Variants in CYRIA observed in about 807,000 individuals in gnomAD.
The protein encoded by CYRIA is CYFIP-related Rac1 interactor A.
A neutral mutation model predicts 43.9 loss-of-function variants in CYRIA; 15 were observed. That is an observed-to-expected ratio of 0.34 (90% CI 0.23 to 0.53). The LOEUF (loss-of-function observed/expected upper bound fraction) is 0.53, where lower values mean the gene tolerates loss of function less well. CYRIA is among the 20% of genes least tolerant of loss of function. The pLI, the probability that CYRIA is intolerant of heterozygous loss-of-function variation, is 0.94. For synonymous variants in CYRIA, 117 were observed against 136.0 expected, an observed-to-expected ratio of 0.86 and a Z score of 0.97; for missense variants, 236 against 394.2, an observed-to-expected ratio of 0.60 and a Z score of 3.40.
intron 1 of CYRIA, among the ~76,000 whole-genome samples, chr2:16,630,111 A>C (rs1257545994): frequency 2.6e-5 from 4 of 152,224 alleles, no homozygotes; most frequent in African/African-American, 9.6e-5. Context: ...GGCATGGTCT[A>C]GACATCACCT....
At position 16,588,100 on chromosome 2, in the gene CYRIA, A is replaced by G. The variant is rs1667798185; in HGVS notation, c.20T>C (p.Val7Ala). 6.2e-7 allele frequency: 1 copy of G among 1,607,840 alleles called. No individual in the cohort carries two copies. MGNLLK[V>A]LTREIENYPH... ...ATAGTTTTCAATTTCCCTGGTAAGG[A>G]CTTTGAGCAGGTTTCCCATCCCAGC... The change falls in exon 3 of 12, where the codon GTC becomes GCC. Residue 7 changes from valine (V) to alanine (A), a missense_variant. Physicochemically the swap from Val to Ala is moderately conservative, Grantham distance 64. Transcript: ENST00000381323.
chr2:16,588,719 G>A (rs1306522398), intron 2 of CYRIA, among the ~76,000 whole-genome samples: 1 of 152,056 alleles, frequency 6.6e-6, no homozygotes, highest in Non-Finnish European at 1.5e-5. Flanking sequence ...ACACTGCCAG[G>A]AACTCCTCTT....
At chr2:16,658,955 G>A (rs772967064) in intron 1 of CYRIA, among the ~76,000 whole-genome samples, 6 of 152,154 alleles carry the variant, frequency 3.9e-5, no homozygotes, top group African/African-American at 9.7e-5. Flanking sequence ...AACTGGGAGC[G>A]ATCCACAGCT....
At chr2:16,588,014 A>T in intron 3 of CYRIA, 36 bp downstream of exon 3, 1 of 1,355,352 alleles carries the variant, frequency 7.4e-7, no homozygotes, top group Non-Finnish European at 1.0e-6. Context: ...TAAGGAATGT[A>T]AAAAAGTTTC....
intron 2 of CYRIA, among the ~76,000 whole-genome samples, chr2:16,598,234 A>T (rs1668080994): frequency 1.8e-5 from 1 of 56,424 alleles, no homozygotes; most frequent in Non-Finnish European, 3.0e-5. Context: ...CTCGAGGAGT[A>T]TCTTTGTGGC....
chr2:16,620,429 G>C (rs1471907996), intron 2 of CYRIA, among the ~76,000 whole-genome samples: 1 of 152,184 alleles, frequency 6.6e-6, no homozygotes, highest in Non-Finnish European at 1.5e-5. Flanking sequence ...GGTGGGAAGG[G>C]ACATTGTATG....
chr2:16,627,149 T>C (rs1046513132), intron 1 of CYRIA, among the ~76,000 whole-genome samples: 1 of 152,206 alleles, frequency 6.6e-6, no homozygotes, highest in Non-Finnish European at 1.5e-5. Flanking sequence ...TTCAAACGGC[T>C]GCTGCCTTCC....
At chr2:16,654,664 A>G (rs143748950) in intron 1 of CYRIA, among the ~76,000 whole-genome samples, 48 of 152,262 alleles carry the variant, frequency 3.2e-4, no homozygotes, top group African/African-American at 1.1e-3. Flanking sequence ...TCTTAGCTTC[A>G]TTGTCTTTAT....
At chr2:16,655,271 G>GGTGTGGGGCCTAGT (rs1670080451) in intron 1 of CYRIA, among the ~76,000 whole-genome samples, 1 of 152,156 alleles carries the variant, frequency 6.6e-6, no homozygotes. Context: ...CTGGGCTTGG[G>GGTGTGGGGCCTAGT]GTGTGGGGCC....
chr2:16,551,963 C>T lies in CYRIA; in HGVS notation c.*973G>A, dbSNP rs974729787. ...AAATAGAAAACATGGATTTTTTTTC[C>T]CTCTAAATTCCCCTAGTTTTCTGGT... On this transcript the variant is annotated 3_prime_UTR_variant, in exon 12 of 12. Transcript: ENST00000381323. 2.0e-5 allele frequency: 3 copies of T among 151,772 alleles called. No homozygotes were observed. Among genetic ancestry groups the T allele is most frequent in the Admixed American group, 1.3e-4 (2 of 15,254 alleles). The allele number at this position is 151,772 out of a possible 1,614,324, so 9.4% of individuals were successfully genotyped here. A position where few individuals can be genotyped will look rare whatever the true frequency, so the allele number is the denominator to read the frequency against.
At chr2:16,575,505 T>C (rs1053012339) in intron 3 of CYRIA, among the ~76,000 whole-genome samples, 3 of 152,106 alleles carry the variant, frequency 2.0e-5, no homozygotes, top group Admixed American at 1.3e-4. Flanking sequence ...GGGTAAGTCT[T>C]TCCTAGGCTG....
At chr2:16,652,794 C>G (rs1391745054) in intron 1 of CYRIA, among the ~76,000 whole-genome samples, 1 of 152,124 alleles carries the variant, frequency 6.6e-6, no homozygotes, top group Non-Finnish European at 1.5e-5. Flanking sequence ...TGAAGAAGCC[C>G]TCTTCCTCTG....
At chr2:16,553,242 T>C (rs1666378207) in intron 11 of CYRIA, among the ~76,000 whole-genome samples, 1 of 152,152 alleles carries the variant, frequency 6.6e-6, no homozygotes. Flanking sequence ...AGAGGAGATA[T>C]GAGCGGTCTC....
intron 1 of CYRIA, among the ~76,000 whole-genome samples, chr2:16,661,809 C>A (rs1289715284): frequency 6.6e-6 from 1 of 152,136 alleles, no homozygotes; most frequent in Non-Finnish European, 1.5e-5. Context: ...TCTGGTCCTG[C>A]CACTTCCTAG....
chr2:16,619,760 G>C (rs554995755), intron 2 of CYRIA, among the ~76,000 whole-genome samples: 2 of 152,318 alleles, frequency 1.3e-5, no homozygotes, highest in African/African-American at 4.8e-5. Flanking sequence ...TTGAAAAGCA[G>C]AGTTGAGGCA....
At chr2:16,649,543 G>A (rs140335599) in intron 1 of CYRIA, among the ~76,000 whole-genome samples, 3 of 151,862 alleles carry the variant, frequency 2.0e-5, no homozygotes, top group South Asian at 2.1e-4. Flanking sequence ...CAGTACAGAG[G>A]ACAGTTAGTT....
chr2:16,652,593 G>C (rs74641894), intron 1 of CYRIA, among the ~76,000 whole-genome samples: 1 of 152,262 alleles, frequency 6.6e-6, no homozygotes, highest in Admixed American at 6.5e-5. Flanking sequence ...GAAGTCTTCC[G>C]GGTCCCACAG....
intron 3 of CYRIA, among the ~76,000 whole-genome samples, chr2:16,570,327 C>T (rs1196743084): frequency 6.6e-6 from 1 of 152,128 alleles, no homozygotes; most frequent in Non-Finnish European, 1.5e-5. Flanking sequence ...TCCACTCTTT[C>T]ATTAACATCC....
intron 3 of CYRIA, among the ~76,000 whole-genome samples, chr2:16,567,056 G>T (rs1356115254): frequency 6.6e-6 from 1 of 152,090 alleles, no homozygotes; most frequent in Non-Finnish European, 1.5e-5. Context: ...ATCTTCGTGG[G>T]AGTACAAGGG....
Sources: allele counts gnomAD v4.1 joint callset (sites outside exome capture counted in the v4.1 genomes callset), GRCh38; gene constraint gnomAD v4.1.1; transcripts MANE v1.5; gene names NCBI Gene and HGNC (gene_info 2026-07-23, HGNC 2026-07-21).